The following ARHGAP42 variants were observed in gnomAD, a reference collection of about 807,000 sequenced individuals.
ARHGAP42 encodes rho GTPase-activating protein 42.
A neutral mutation model predicts 125.0 loss-of-function variants in ARHGAP42; 63 were observed. The ratio of observed to expected loss-of-function variants is 0.50; its 90% CI spans 0.41 to 0.62. The LOEUF (loss-of-function observed/expected upper bound fraction) is 0.62, where lower values mean the gene tolerates loss of function less well. Ranked by LOEUF, ARHGAP42 falls within the 20% of genes least tolerant of loss-of-function variation. The pLI, the probability that ARHGAP42 is intolerant of heterozygous loss-of-function variation, is 0.00. For missense variants in ARHGAP42, 766 were observed against 1,024.2 expected (o/e 0.75, Z 3.44); for synonymous variants, 339 against 351.0 (o/e 0.97, Z 0.38).
At chr11:100,985,488 A>G (rs1858651898) in intron 22 of ARHGAP42, among the ~76,000 whole-genome samples, 2 of 152,242 alleles carry the variant, frequency 1.3e-5, no homozygotes, top group East Asian at 1.9e-4. Context: ...TGAGACTACC[A>G]TAGTCTGATT....
At chr11:100,774,449 A>T (rs529697926) in intron 2 of ARHGAP42, among the ~76,000 whole-genome samples, 2 of 151,356 alleles carry the variant, frequency 1.3e-5, no homozygotes, top group Non-Finnish European at 3.0e-5. Flanking sequence ...AGCAGCGAGC[A>T]ATAGCCCCAC....
rs55789058 is a variant in ARHGAP42 at position 100,895,493 on chromosome 11, C to CTT, written c.385-17940_385-17939dup. On this transcript the variant is annotated intron_variant, in intron 4 of 23. Coordinates refer to ENST00000298815, the MANE Select transcript of ARHGAP42 (RefSeq NM_152432.4). ...CAGAACTATTCTTATAAAAGAGCAACTTTTTTTTTTTTTTTTTTTTAATCC... is the reference window on the plus strand; with the variant it reads ...CAGAACTATTCTTATAAAAGAGCAACTTTTTTTTTTTTTTTTTTTTTTAATCC... Among the ~76,000 whole-genome samples, 1,788 of 123,408 alleles carry CTT rather than the reference C, an allele frequency of 0.014. 69 individuals carry two copies. In the East Asian group the frequency reaches 0.24, roughly 16 times the overall value. 81.0% of individuals were successfully genotyped at this position (123,408 alleles called of 152,430 possible).
intron 1 of ARHGAP42, among the ~76,000 whole-genome samples, chr11:100,699,504 ATATTTTTTTTTTTTTTTTT>A (rs1205016946): frequency 6.0e-5 from 2 of 33,568 alleles, no homozygotes; most frequent in Non-Finnish European, 5.1e-5. Flanking sequence ...ATATATATAT[ATATTTTTTTTTTTTTTTTT>A]TTTTTTTTTT....
chr11:100,959,713 C>G, intron 12 of ARHGAP42, 170 bp from the exon 13 acceptor site: 1 of 608,912 alleles, frequency 1.6e-6, no homozygotes, highest in Non-Finnish European at 2.9e-6. Context: ...GTGAAGTTCC[C>G]TCCTCTACTT....
chr11:100,849,419 T>C (rs1370030286), intron 3 of ARHGAP42, among the ~76,000 whole-genome samples: 1 of 152,186 alleles, frequency 6.6e-6, no homozygotes, highest in East Asian at 1.9e-4. Context: ...TTCTTAGCTA[T>C]GACTAAGAGC....
chr11:100,816,125 T>C, intron 3 of ARHGAP42, among the ~76,000 whole-genome samples: 1 of 152,208 alleles, frequency 6.6e-6, no homozygotes, highest in South Asian at 2.1e-4. Flanking sequence ...CATACAAATA[T>C]GTCTTTGAGA....
chr11:100,802,838 T>C (rs1000092529), intron 3 of ARHGAP42, among the ~76,000 whole-genome samples: 1 of 152,176 alleles, frequency 6.6e-6, no homozygotes, highest in Non-Finnish European at 1.5e-5. Flanking sequence ...CTTTGTCCTT[T>C]CCTCTGCCTT....
chr11:100,746,141 C>CAAA (rs1862297948), intron 1 of ARHGAP42, among the ~76,000 whole-genome samples: 1 of 152,198 alleles, frequency 6.6e-6, no homozygotes, highest in Non-Finnish European at 1.5e-5. Flanking sequence ...TACCATTACA[C>CAAA]ATCTGCTCAG....
chr11:100,976,981 C>G lies in ARHGAP42; in HGVS notation c.2393+10C>G, dbSNP rs1422270835. 8 of 1,550,682 alleles carry G rather than the reference C, an allele frequency of 5.2e-6. No homozygotes were observed. Among genetic ancestry groups the G allele is most frequent in the Middle Eastern group, 1.7e-4 (1 of 6,002 alleles). On this transcript the variant is annotated intron_variant, in intron 21 of 23. Coordinates refer to ENST00000298815, the MANE Select transcript of ARHGAP42 (RefSeq NM_152432.4). The stretch of plus-strand genomic sequence containing the variant: ...AGCGGCCTGGCTCAGTGTAAGTGAG[C>G]GTTTGTATATTTGCTGTGTCTCCCA...
chr11:100,863,182 A>G (rs921163509), intron 4 of ARHGAP42, among the ~76,000 whole-genome samples: 3 of 151,732 alleles, frequency 2.0e-5, no homozygotes, highest in East Asian at 1.9e-4. Flanking sequence ...TTTTTTTTCT[A>G]TTACTTTACT....
At chr11:100,850,177 A>G (rs1194602899) in intron 3 of ARHGAP42, among the ~76,000 whole-genome samples, 5 of 152,232 alleles carry the variant, frequency 3.3e-5, no homozygotes, top group Admixed American at 1.3e-4. Flanking sequence ...GATGCAATAG[A>G]CAGTGCGTAT....
chr11:100,695,228 T>G (rs1861255627), intron 1 of ARHGAP42, among the ~76,000 whole-genome samples: 1 of 152,214 alleles, frequency 6.6e-6, no homozygotes, highest in Non-Finnish European at 1.5e-5. Context: ...AACAGGGCAG[T>G]CAATGGAAAT....
intron 10 of ARHGAP42, among the ~76,000 whole-genome samples, chr11:100,945,037 T>A (rs1025618025): frequency 3.3e-5 from 5 of 152,116 alleles, no homozygotes; most frequent in African/African-American, 4.8e-5. Context: ...TTTCAAACCC[T>A]GCCCTACTGC....
At chr11:100,719,954 G>T (rs117311034) in intron 1 of ARHGAP42, among the ~76,000 whole-genome samples, 10,625 of 152,234 alleles carry the variant, frequency 0.07, 491 homozygotes, top group Non-Finnish European at 0.097. Context: ...CTCCCCTGCT[G>T]AATGTGGCTG....
chr11:100,844,919 C>A (rs1356691259), intron 3 of ARHGAP42, among the ~76,000 whole-genome samples: 1 of 152,066 alleles, frequency 6.6e-6, no homozygotes, highest in Non-Finnish European at 1.5e-5. Flanking sequence ...ATCATTTGAT[C>A]CAGCAATCCC....
chr11:100,808,068 G>GA (rs5794070), intron 3 of ARHGAP42, among the ~76,000 whole-genome samples: 121,542 of 152,088 alleles, frequency 0.8, 48,670 homozygotes, highest in Middle Eastern at 0.85. Context: ...TTAAAGGACA[G>GA]AAAAATAAAC....
chr11:100,746,114 G>T (rs988989304), intron 1 of ARHGAP42, among the ~76,000 whole-genome samples: 1 of 152,240 alleles, frequency 6.6e-6, no homozygotes, highest in Non-Finnish European at 1.5e-5. Context: ...ACAGTGTCCA[G>T]TAAAGGTCCA....
chr11:100,756,471 C>A (rs1862580318), intron 1 of ARHGAP42, among the ~76,000 whole-genome samples: 1 of 151,980 alleles, frequency 6.6e-6, no homozygotes, highest in African/African-American at 2.4e-5. Flanking sequence ...AATGACAGCA[C>A]CTAAAATTTG....
intron 4 of ARHGAP42, among the ~76,000 whole-genome samples, chr11:100,907,744 G>T (rs1297959244): frequency 6.6e-6 from 1 of 152,162 alleles, no homozygotes; most frequent in Non-Finnish European, 1.5e-5. Context: ...TGCCACTCTA[G>T]GCAAGGAGTA....
Sources: allele counts gnomAD v4.1 joint callset (sites outside exome capture counted in the v4.1 genomes callset), GRCh38; gene constraint gnomAD v4.1.1; transcripts MANE v1.5; gene names NCBI Gene and HGNC (gene_info 2026-07-23, HGNC 2026-07-21).